ATXN2: variants seen among roughly 807,000 people sequenced by gnomAD.
The protein encoded by ATXN2 is ataxin 2, also known as ataxin-2.
ATXN2 carries 37 observed loss-of-function variants against 138.6 expected under a neutral mutation model. That is an observed-to-expected ratio of 0.27 (90% CI 0.21 to 0.35). The LOEUF is 0.35. ATXN2 is among the 10% of genes least tolerant of loss of function. ATXN2 has a pLI of 1.00. For missense variants in ATXN2, 1,216 were observed against 1,480.3 expected (o/e 0.82, Z 2.93); for synonymous variants, 549 against 543.7 (o/e 1.01, Z -0.13).
intron 21 of ATXN2, among the ~76,000 whole-genome samples, chr12:111,461,997 G>A (rs545761021): frequency 8.6e-5 from 13 of 151,800 alleles, no homozygotes; most frequent in Admixed American, 2.6e-4. Flanking sequence ...GAAAAGGAGA[G>A]TGGAGTGGGA....
At chr12:111,464,335 T>TTGTGTGTG (rs375641693) in intron 21 of ATXN2, among the ~76,000 whole-genome samples, 71 of 105,836 alleles carry the variant, frequency 6.7e-4, no homozygotes, top group South Asian at 4.1e-3. Context: ...GTGTGTGTGT[T>TTGTGTGTG]TGTGTGTGTG....
intron 1 of ATXN2, among the ~76,000 whole-genome samples, chr12:111,577,262 T>C (rs918966935): frequency 3.3e-5 from 5 of 150,442 alleles, no homozygotes; most frequent in Non-Finnish European, 5.9e-5. Context: ...TTCAATTATT[T>C]ATTTATTTAT....
In ATXN2 at chr12:111,599,035, G is replaced by T; in HGVS notation, c.-1C>A. On this transcript the variant is annotated 5_prime_UTR_variant, in exon 1 of 25. Transcript: ENST00000673436. ...GCTGCTGCTGGGGCTTCAGCGACAT[G>T]GTGAGGGGCCCATACACCGGCTCGC... 2 of 1,495,546 alleles carry T rather than the reference G, an allele frequency of 1.3e-6. No homozygotes were observed. Among genetic ancestry groups the T allele is most frequent in the Admixed American group, 2.1e-5 (1 of 47,056 alleles). 92.6% of individuals were successfully genotyped at this position (1,495,546 alleles called of 1,614,324 possible). A position where few individuals can be genotyped will look rare whatever the true frequency, so the allele number is the denominator to read the frequency against.
chr12:111,455,144 T>G, intron 23 of ATXN2: 2 of 702,788 alleles, frequency 2.8e-6, no homozygotes, highest in Non-Finnish European at 5.2e-6. Context: ...ATGGAATTCA[T>G]TGTGGCAGGT....
chr12:111,551,212 G>A (rs1273624587), intron 5 of ATXN2, among the ~76,000 whole-genome samples: 5 of 151,342 alleles, frequency 3.3e-5, no homozygotes, highest in East Asian at 1.9e-4. Flanking sequence ...CAGGAGAATC[G>A]CTTGAACCTG....
At position 111,593,387 on chromosome 12, in the gene ATXN2, G is replaced by A. The variant is rs181272129; in HGVS notation, c.251+5397C>T. On this transcript the variant is annotated intron_variant, in intron 1 of 24. Transcript: ENST00000673436. ...TGGGATTACAGGTATGAGCCACCGC[G>A]CCTGGCCTTGAGATCCTCCTTTAAG... is the stretch of plus-strand genomic sequence containing the variant. Among the ~76,000 whole-genome samples, 279 of 152,078 alleles carry A rather than the reference G, an allele frequency of 1.8e-3. 2 individuals are homozygous for A. Among genetic ancestry groups the A allele is most frequent in the Middle Eastern group, 6.8e-3 (2 of 294 alleles).
chr12:111,532,859 A>C (rs1880916270), intron 5 of ATXN2, among the ~76,000 whole-genome samples: 2 of 151,632 alleles, frequency 1.3e-5, no homozygotes, highest in African/African-American at 4.8e-5. Context: ...TAAGGAAAAA[A>C]AAAAAAAAAA....
chr12:111,592,120 T>C (rs535555013), intron 1 of ATXN2, among the ~76,000 whole-genome samples: 18 of 145,436 alleles, frequency 1.2e-4, no homozygotes, highest in Non-Finnish European at 2.1e-4. Context: ...TGGGCGGGGG[T>C]GGCTCACGCC....
intron 1 of ATXN2, among the ~76,000 whole-genome samples, chr12:111,584,820 T>G (rs1032856143): frequency 2.0e-5 from 3 of 151,712 alleles, no homozygotes; most frequent in Non-Finnish European, 4.4e-5. Flanking sequence ...AAATACAAAA[T>G]TAGCCAGGCA....
At chr12:111,593,160 G>A (rs1036365135) in intron 1 of ATXN2, among the ~76,000 whole-genome samples, 2 of 151,878 alleles carry the variant, frequency 1.3e-5, no homozygotes, top group African/African-American at 4.8e-5. Context: ...TCAGCTCACT[G>A]CAACCTCCGC....
intron 1 of ATXN2, among the ~76,000 whole-genome samples, chr12:111,589,195 AT>A (rs1206827760): frequency 6.7e-6 from 1 of 150,028 alleles, no homozygotes; most frequent in East Asian, 2.0e-4. Context: ...CACAGCTGTT[AT>A]CCCAGCTACT....
At chr12:111,471,758 T>C (rs1165996153) in intron 18 of ATXN2, 1 of 151,794 alleles carries the variant, frequency 6.6e-6, no homozygotes, top group Non-Finnish European at 1.5e-5. Flanking sequence ...CACCTCCTTC[T>C]GGTAAACAAA....
chr12:111,486,422 A>G (rs934328400), intron 16 of ATXN2, among the ~76,000 whole-genome samples: 3 of 152,218 alleles, frequency 2.0e-5, no homozygotes, highest in African/African-American at 7.2e-5. Flanking sequence ...AGATTATCCT[A>G]ACTATGTTTT....
In ATXN2 at chr12:111,486,821, T is replaced by C; in HGVS notation, c.2244A>G (p.Gln748=). 1 of 1,612,066 alleles carries C rather than the reference T, an allele frequency of 6.2e-7. No individual in the cohort carries two copies. Among genetic ancestry groups the C allele is most frequent in the Non-Finnish European group, 8.5e-7 (1 of 1,178,542 alleles). ...TGGGATTCAATGTTGATTTCCTAAC[T>C]TGCCTAAAAAAAATATAAAGGCCAG... ...DKEEKKDAAE[Q]VRKSTLNPNA... Residue 748 remains glutamine (Q), a synonymous_variant, in exon 16 of 25, where the codon CAA becomes CAG. Transcript: ENST00000673436.
chr12:111,505,200 TTC>T (rs1879032304), intron 14 of ATXN2, among the ~76,000 whole-genome samples: 1 of 151,888 alleles, frequency 6.6e-6, no homozygotes, highest in South Asian at 2.1e-4. Flanking sequence ...AAGAGCGAGA[TTC>T]TGTGTCAAAA....
At chr12:111,557,532 G>A (rs1442980776) in intron 1 of ATXN2, among the ~76,000 whole-genome samples, 1 of 152,102 alleles carries the variant, frequency 6.6e-6, no homozygotes, top group South Asian at 2.1e-4. Context: ...ACCATACTAA[G>A]TACTTCACAT....
intron 1 of ATXN2, among the ~76,000 whole-genome samples, chr12:111,575,219 G>A (rs1033473807): frequency 1.2e-4 from 18 of 151,972 alleles, no homozygotes; most frequent in Non-Finnish European, 2.2e-4. Flanking sequence ...ATACCAGACT[G>A]CTGATAAGAG....
At chr12:111,483,333 T>C (rs951964333) in intron 18 of ATXN2, among the ~76,000 whole-genome samples, 1 of 151,898 alleles carries the variant, frequency 6.6e-6, no homozygotes, top group Admixed American at 6.6e-5. Flanking sequence ...CTGAGAAATG[T>C]CTTTTCTGTA....
intron 8 of ATXN2, among the ~76,000 whole-genome samples, chr12:111,519,563 C>T (rs1051851463): frequency 6.6e-6 from 1 of 152,162 alleles, no homozygotes; most frequent in African/African-American, 2.4e-5. Flanking sequence ...TTTGAACATG[C>T]CTTTAACCAA....
Sources: gnomAD v4.1 joint callset for allele counts (sites outside exome capture counted in the v4.1 genomes callset) on GRCh38, gnomAD v4.1.1 for gene constraint, MANE v1.5 for transcripts, NCBI Gene and HGNC (gene_info 2026-07-23, HGNC 2026-07-21) for gene names.